Variants in STRBP observed in about 807,000 individuals in gnomAD.
STRBP encodes spermatid perinuclear RNA-binding protein.
Under a neutral mutation model 80.1 loss-of-function variants are expected in STRBP, and 13 were observed. The observed-to-expected ratio is 0.16, with a 90% CI of 0.11 to 0.26. The LOEUF (loss-of-function observed/expected upper bound fraction) is 0.26, where lower values mean the gene tolerates loss of function less well. Ranked by LOEUF, STRBP falls within the 10% of genes least tolerant of loss-of-function variation. STRBP has a pLI of 1.00. For missense variants in STRBP, 485 were observed against 815.2 expected, an observed-to-expected ratio of 0.59 and a Z score of 4.93; for synonymous variants, 284 against 291.2, an observed-to-expected ratio of 0.98 and a Z score of 0.25.
At chr9:123,186,122 C>A (rs2038688661) in intron 2 of STRBP, among the ~76,000 whole-genome samples, 1 of 151,400 alleles carries the variant, frequency 6.6e-6, no homozygotes, top group Non-Finnish European at 1.5e-5. Context: ...CCAGGAGGAT[C>A]ACTTGAGCCT....
Position 123,128,195 on chromosome 9 carries a change from A to G in STRBP, c.1942+19T>C, listed in dbSNP as rs900684614. 17 of 1,613,972 alleles carry G rather than the reference A, an allele frequency of 1.1e-5. No individual in the cohort carries two copies. Among genetic ancestry groups the G allele is most frequent in the African/African-American group, 1.3e-5 (1 of 74,942 alleles). On this transcript the variant is annotated intron_variant, in intron 18 of 18. Transcript: ENST00000348403. ...GTGACAGTCGCTAAGAGGAGATATCAGTAAGATGGTGTACGTACCATAGGC... is the reference window on the plus strand; with the variant it reads ...GTGACAGTCGCTAAGAGGAGATATCGGTAAGATGGTGTACGTACCATAGGC...
intron 11 of STRBP, among the ~76,000 whole-genome samples, chr9:123,153,704 T>C (rs7870862): frequency 0.017 from 2,527 of 152,200 alleles, 79 homozygotes; most frequent in African/African-American, 0.058. Flanking sequence ...CTGCTGGACA[T>C]CCATGTAGCG....
At chr9:123,220,138 G>A (rs2040021766) in intron 2 of STRBP, among the ~76,000 whole-genome samples, 1 of 152,166 alleles carries the variant, frequency 6.6e-6, no homozygotes, top group South Asian at 2.1e-4. Context: ...GTAAGCATAT[G>A]GGTAAATCTA....
intron 13 of STRBP, among the ~76,000 whole-genome samples, chr9:123,140,460 G>C (rs546953052): frequency 6.6e-6 from 1 of 152,100 alleles, no homozygotes; most frequent in African/African-American, 2.4e-5. Flanking sequence ...TGGGTGTGGC[G>C]GTGCATGCCT....
At chr9:123,251,161 CTTTCT>C (rs1323008326) in intron 1 of STRBP, among the ~76,000 whole-genome samples, 1 of 151,994 alleles carries the variant, frequency 6.6e-6, no homozygotes. Context: ...GTCTCTGTTT[CTTTCT>C]TTTCTTTTTT....
intron 2 of STRBP, among the ~76,000 whole-genome samples, chr9:123,226,614 C>A (rs1203362858): frequency 1.3e-5 from 2 of 152,208 alleles, no homozygotes; most frequent in African/African-American, 4.8e-5. Context: ...CAGACCCCCA[C>A]CTCTGCCATA....
chr9:123,145,821 G>C (rs2036788553), intron 13 of STRBP, among the ~76,000 whole-genome samples: 2 of 151,954 alleles, frequency 1.3e-5, no homozygotes, highest in East Asian at 1.9e-4. Context: ...TCATACTTTA[G>C]ATATCCCTTT....
intron 6 of STRBP, among the ~76,000 whole-genome samples, chr9:123,162,672 ACC>A (rs1454377113): frequency 1.3e-5 from 2 of 152,246 alleles, no homozygotes; most frequent in Non-Finnish European, 2.9e-5. Flanking sequence ...TGAGCTCTAC[ACC>A]AGTTATTTGC....
chr9:123,197,692 T>C (rs975227044), intron 2 of STRBP, among the ~76,000 whole-genome samples: 53 of 146,418 alleles, frequency 3.6e-4, no homozygotes, highest in African/African-American at 1.1e-3. Flanking sequence ...TTTTTTTTTT[T>C]GACACGGAGT....
intron 1 of STRBP, among the ~76,000 whole-genome samples, chr9:123,262,921 A>AT (rs2041188469): frequency 6.6e-6 from 1 of 152,242 alleles, no homozygotes; most frequent in African/African-American, 2.4e-5. Context: ...TCACCTAATT[A>AT]TCTACATCAC....
chr9:123,229,378 A>G (rs1207049118), intron 2 of STRBP, among the ~76,000 whole-genome samples: 1 of 152,212 alleles, frequency 6.6e-6, no homozygotes, highest in Non-Finnish European at 1.5e-5. Context: ...GGATCATATG[A>G]GGAAGGAAAT....
intron 1 of STRBP, among the ~76,000 whole-genome samples, chr9:123,251,864 A>G (rs979562839): frequency 2.6e-5 from 4 of 152,192 alleles, no homozygotes; most frequent in African/African-American, 9.7e-5. Context: ...TTCATTCCAG[A>G]CAACAAAAGC....
At chr9:123,227,744 T>C (rs2040284598) in intron 2 of STRBP, among the ~76,000 whole-genome samples, 1 of 151,676 alleles carries the variant, frequency 6.6e-6, no homozygotes, top group African/African-American at 2.4e-5. Flanking sequence ...TTTGTATTTT[T>C]AGTAGAGACA....
intron 3 of STRBP, chr9:123,114,932 GCTCCATCAGC>G: frequency 3.1e-6 from 1 of 325,588 alleles, no homozygotes; most frequent in Non-Finnish European, 6.3e-6. Flanking sequence ...CTGCTGCTGC[GCTCCATCAGC>G]CTCCCTCACG....
intron 5 of STRBP, 146 bp from the exon 6 acceptor site, chr9:123,170,192 T>C (rs2037948432): frequency 1.5e-6 from 1 of 670,602 alleles, no homozygotes. Flanking sequence ...ACTAGTTCTT[T>C]ACTGGGGATA....
rs1251515276 is a variant in STRBP at position 123,122,934 on chromosome 9, A to G, written c.*2663T>C. Reference sequence around the variant, plus strand: ...CAGATATTGCTAGGTTTCCAAAGGAAAAGTTTTAAAACAGACACCGTGGCT... The same window carrying G: ...CAGATATTGCTAGGTTTCCAAAGGAGAAGTTTTAAAACAGACACCGTGGCT... On this transcript the variant is annotated 3_prime_UTR_variant, in exon 19 of 19. Coordinates refer to ENST00000348403, the MANE Select transcript of STRBP (RefSeq NM_018387.5). 1 of 985,502 alleles carries G rather than the reference A, an allele frequency of 1.0e-6. No individual in the cohort carries two copies. The highest frequency in any genetic ancestry group is 1.2e-6 in the Non-Finnish European group (1 of 829,974). The allele number at this position is 985,502 out of a possible 1,614,324, so 61.0% of individuals were successfully genotyped here. A position where few individuals can be genotyped will look rare whatever the true frequency, so the allele number is the denominator to read the frequency against.
At chr9:123,194,470 T>C (rs899584138) in intron 2 of STRBP, among the ~76,000 whole-genome samples, 3 of 152,174 alleles carry the variant, frequency 2.0e-5, no homozygotes, top group African/African-American at 7.2e-5. Context: ...TCCCACATGT[T>C]GTAATAGCAC....
At chr9:123,253,258 T>C in intron 1 of STRBP, among the ~76,000 whole-genome samples, 1 of 152,248 alleles carries the variant, frequency 6.6e-6, no homozygotes, top group Admixed American at 6.5e-5. Context: ...CCATTTCTTC[T>C]AATTGTTCAT....
At chr9:123,248,740 C>T (rs189725668) in intron 1 of STRBP, among the ~76,000 whole-genome samples, 1 of 152,118 alleles carries the variant, frequency 6.6e-6, no homozygotes, top group Non-Finnish European at 1.5e-5. Context: ...TAATGATTAC[C>T]TGAATGAGCA....
Sources: allele counts gnomAD v4.1 joint callset (sites outside exome capture counted in the v4.1 genomes callset), GRCh38; gene constraint gnomAD v4.1.1; transcripts MANE v1.5; gene names NCBI Gene and HGNC (gene_info 2026-07-23, HGNC 2026-07-21).